KCNG3: variants seen among roughly 807,000 people sequenced by gnomAD.
KCNG3 encodes voltage-gated potassium channel regulatory subunit KCNG3.
A neutral mutation model predicts 29.0 loss-of-function variants in KCNG3; 15 were observed. The ratio of observed to expected loss-of-function variants is 0.52; its 90% CI spans 0.35 to 0.80. The LOEUF (loss-of-function observed/expected upper bound fraction) is 0.80, where lower values mean the gene tolerates loss of function less well. KCNG3 is among the 30% of genes least tolerant of loss of function. KCNG3 has a pLI of 0.01. For missense variants in KCNG3, 512 were observed against 605.7 expected (o/e 0.85, Z 1.62); for synonymous variants, 322 against 248.9 (o/e 1.29, Z -2.76).
chr2:42,473,944 G>C (rs1408949972), intron 1 of KCNG3, among the ~76,000 whole-genome samples: 1 of 151,934 alleles, frequency 6.6e-6, no homozygotes, highest in Non-Finnish European at 1.5e-5. Context: ...TTGAGGCCAG[G>C]AGTTCGAGAC....
the KCNG3 span, among the ~76,000 whole-genome samples, chr2:42,402,222 C>T: frequency 5.3e-5 from 8 of 152,224 alleles, no homozygotes; most frequent in Non-Finnish European, 1.0e-4. Context: ...ACCTTCGGTC[C>T]AGACTGAATT....
intron 1 of KCNG3, among the ~76,000 whole-genome samples, chr2:42,488,602 T>C (rs1572868249): frequency 6.6e-6 from 1 of 151,160 alleles, no homozygotes; most frequent in East Asian, 1.9e-4. Flanking sequence ...CAGGCTGGAG[T>C]GCAGTAGCGT....
the KCNG3 span, among the ~76,000 whole-genome samples, chr2:42,432,412 C>T: frequency 5.3e-5 from 8 of 152,160 alleles, no homozygotes; most frequent in Admixed American, 2.6e-4. Flanking sequence ...ATCCAGTTCC[C>T]GGAAATTCAG....
At chr2:42,481,677 A>G (rs1673587969) in intron 1 of KCNG3, among the ~76,000 whole-genome samples, 1 of 152,006 alleles carries the variant, frequency 6.6e-6, no homozygotes, top group Non-Finnish European at 1.5e-5. Context: ...CTTCCCCCGC[A>G]TTCCCCACCA....
chr2:42,475,348 T>TA (rs1451522254), intron 1 of KCNG3, among the ~76,000 whole-genome samples: 1 of 138,884 alleles, frequency 7.2e-6, no homozygotes, highest in Non-Finnish European at 1.5e-5. Flanking sequence ...TTTTTTGAGA[T>TA]AGAGTCTCGC....
chr2:42,438,000 T>C (rs908162224), downstream of KCNG3, among the ~76,000 whole-genome samples: 1 of 152,090 alleles, frequency 6.6e-6, no homozygotes, highest in Non-Finnish European at 1.5e-5. Flanking sequence ...AACGTTCCAT[T>C]TTTATCACAG....
chr2:42,476,308 CA>C (rs886825530), intron 1 of KCNG3, among the ~76,000 whole-genome samples: 10 of 143,346 alleles, frequency 7.0e-5, no homozygotes, highest in South Asian at 2.2e-4. Context: ...CCAGTCTCTA[CA>C]AAAAAAAAAT....
chr2:42,404,765 C>T, the KCNG3 span, among the ~76,000 whole-genome samples: 1 of 152,114 alleles, frequency 6.6e-6, no homozygotes, highest in Non-Finnish European at 1.5e-5. Context: ...CCAGATGCTG[C>T]CACTGGGGGA....
In KCNG3 at chr2:42,446,906, C is replaced by A. The variant is rs191178188; in HGVS notation, c.666-2327G>T. ...TTGTAATCCCAGCACTTTGGGAGGC[C>A]AAGGTGGGAGTATAGCTTGAGCCCA... On this transcript the variant is annotated intron_variant, in intron 1 of 1. Transcript: ENST00000306078. Among the ~76,000 whole-genome samples the A allele has an allele frequency of 5.0e-3, 761 of 151,794 alleles. 4 individuals are homozygous for A. Among genetic ancestry groups the A allele is most frequent in the Non-Finnish European group, 7.1e-3 (480 of 67,974 alleles).
intron 1 of KCNG3, among the ~76,000 whole-genome samples, chr2:42,481,737 T>C (rs1673589762): frequency 6.6e-6 from 1 of 152,104 alleles, no homozygotes; most frequent in South Asian, 2.1e-4. Context: ...ACCAAAGACA[T>C]ATCCGCCTCA....
intron 1 of KCNG3, among the ~76,000 whole-genome samples, chr2:42,452,265 A>C (rs996077656): frequency 9.3e-6 from 1 of 107,264 alleles, no homozygotes; most frequent in Admixed American, 9.2e-5. Flanking sequence ...TTTTTAAAGG[A>C]AACAGAATTT....
At chr2:42,432,935 A>T in the KCNG3 span, among the ~76,000 whole-genome samples, 78 of 10,492 alleles carry the variant, frequency 7.4e-3, no homozygotes, top group African/African-American at 0.092. Context: ...CTTTTATGAT[A>T]AAAAAAAAAA....
chr2:42,436,617 T>C, the KCNG3 span, among the ~76,000 whole-genome samples: 1 of 152,186 alleles, frequency 6.6e-6, no homozygotes, highest in Admixed American at 6.5e-5. Flanking sequence ...AACACTCACT[T>C]GTGTGGGATT....
intron 1 of KCNG3, among the ~76,000 whole-genome samples, chr2:42,460,275 C>T (rs547873557): frequency 6.6e-6 from 1 of 152,102 alleles, no homozygotes; most frequent in African/African-American, 2.4e-5. Flanking sequence ...TGCCTGTACC[C>T]AGGAGTTTGA....
rs955757754 is a variant in KCNG3, at chr2:42,443,103, T to C, written c.*831A>G. The C allele has an allele frequency of 6.6e-6, 1 of 152,186 alleles. No individual in the cohort carries two copies. The highest frequency in any genetic ancestry group is 1.5e-5 in the Non-Finnish European group (1 of 68,016). The allele number at this position is 152,186 out of a possible 1,614,324, so 9.4% of individuals were successfully genotyped here. A position where few individuals can be genotyped will look rare whatever the true frequency, so the allele number is the denominator to read the frequency against. ...TGTAATATTGAGTCATCTCAAATTA[T>C]TCCTATTATAATTTTTATGTTGGAA... On this transcript the variant is annotated 3_prime_UTR_variant, in exon 2 of 2. Transcript: ENST00000306078.
chr2:42,493,388 C>G lies in KCNG3; in HGVS notation c.114G>C (p.Leu38=). 1 of 1,533,938 alleles carries G rather than the reference C, an allele frequency of 6.5e-7. No individual in the cohort carries two copies. The highest frequency in any genetic ancestry group is 8.8e-7 in the Non-Finnish European group (1 of 1,141,528). The change falls in exon 1 of 2, where the codon CTG becomes CTC. Residue 38 remains leucine, a synonymous_variant. Transcript: ENST00000306078. ...KDFPLRRVSR[L]HGCRSERDVL... is the part of the protein sequence containing the mutation. The stretch of plus-strand genomic sequence containing the variant: ...CGTCGCGCTCGGAGCGGCAGCCGTG[C>G]AGCCGGCTCACGCGGCGCAGCGGGA...
chr2:42,437,319 C>G (rs557586223), downstream of KCNG3, among the ~76,000 whole-genome samples: 26 of 152,118 alleles, frequency 1.7e-4, no homozygotes, highest in Non-Finnish European at 3.2e-4. Context: ...AGAAAGCAAC[C>G]ATGACCCACG....
chr2:42,492,104 C>G (rs1332709005), intron 1 of KCNG3, among the ~76,000 whole-genome samples: 4 of 152,080 alleles, frequency 2.6e-5, no homozygotes, highest in African/African-American at 4.8e-5. Flanking sequence ...AAAAATTTAC[C>G]CAAATACTGT....
chr2:42,450,114 A>C (rs1159645631), intron 1 of KCNG3, among the ~76,000 whole-genome samples: 7 of 152,330 alleles, frequency 4.6e-5, no homozygotes, highest in African/African-American at 1.7e-4. Flanking sequence ...CAAAAATACC[A>C]GAACATTTTC....
Sources: allele counts gnomAD v4.1 joint callset (sites outside exome capture counted in the v4.1 genomes callset), GRCh38; gene constraint gnomAD v4.1.1; transcripts MANE v1.5; gene names NCBI Gene and HGNC (gene_info 2026-07-23, HGNC 2026-07-21).